PHEX: variants seen among roughly 807,000 people sequenced by gnomAD.
PHEX encodes phosphate-regulating neutral endopeptidase PHEX.
In PHEX, 16 loss-of-function variants were observed where a neutral mutation model predicts 68.0. The observed-to-expected ratio is 0.24, with a 90% CI of 0.16 to 0.36. The LOEUF (loss-of-function observed/expected upper bound fraction) is 0.36. Among genes scored for constraint, PHEX ranks in the 10% least tolerant of loss-of-function variants. The pLI, the probability that PHEX is intolerant of heterozygous loss-of-function variation, is 1.00. For missense variants in PHEX, 480 were observed against 575.5 expected (o/e 0.83, Z 1.70); for synonymous variants, 208 against 205.1 (o/e 1.01, Z -0.12).
chrX:22,238,069 GAGTT>G (rs375884603), intron 20 of PHEX, among the ~76,000 whole-genome samples: 465 of 112,111 alleles, frequency 4.1e-3, no homozygotes, highest in African/African-American at 0.014. Context: ...CTGAGGTGAG[GAGTT>G]AGTTAGTTTG....
intron 14 of PHEX, among the ~76,000 whole-genome samples, chrX:22,187,521 A>C (rs757750065): frequency 2.7e-5 from 3 of 111,871 alleles, no homozygotes; most frequent in Admixed American, 9.5e-5. Context: ...AGCCTACCTG[A>C]ATAATCCAGG....
intron 21 of PHEX, among the ~76,000 whole-genome samples, 189 bp from the exon 22 acceptor site, chrX:22,247,662 G>A (rs972277600): frequency 8.9e-6 from 1 of 112,061 alleles, no homozygotes; most frequent in Non-Finnish European, 1.9e-5. Flanking sequence ...TGGCATTCAG[G>A]AGATGCTGGA....
chrX:22,167,119 CTCTTTAGCG>C (rs1933351870), intron 12 of PHEX, among the ~76,000 whole-genome samples: 1 of 111,991 alleles, frequency 8.9e-6, no homozygotes, highest in Non-Finnish European at 1.9e-5. Context: ...TGGAGGCACT[CTCTTTAGCG>C]TACTGATTTC....
intron 11 of PHEX, among the ~76,000 whole-genome samples, chrX:22,126,638 AGT>A (rs1228842955): frequency 9.0e-6 from 1 of 111,175 alleles, no homozygotes; most frequent in Non-Finnish European, 1.9e-5. Flanking sequence ...ATCTCATTAA[AGT>A]AAAGCCCTGG....
intron 12 of PHEX, among the ~76,000 whole-genome samples, chrX:22,144,644 A>G (rs1052121417): frequency 4.5e-5 from 5 of 110,791 alleles, no homozygotes; most frequent in African/African-American, 1.6e-4. Flanking sequence ...ACCTAACTAT[A>G]ATACCATTAA....
At chrX:22,246,351 CATTAGCAT>C in intron 21 of PHEX, among the ~76,000 whole-genome samples, 1 of 111,681 alleles carries the variant, frequency 9.0e-6, no homozygotes, top group East Asian at 2.8e-4. Flanking sequence ...TAAACAGATC[CATTAGCAT>C]ATTGCAAGAA....
chrX:22,172,580 A>T (rs1933572172), intron 13 of PHEX: 1 of 111,162 alleles, frequency 9.0e-6, no homozygotes, highest in Non-Finnish European at 1.9e-5. Flanking sequence ...CAGAAAAAGA[A>T]AAGGGAGGGA....
intron 15 of PHEX, among the ~76,000 whole-genome samples, chrX:22,210,999 C>T (rs994776372): frequency 9.0e-6 from 1 of 111,137 alleles, no homozygotes; most frequent in Non-Finnish European, 1.9e-5. Context: ...TATGAAAGAG[C>T]TTTCAGTCTC....
Position 22,035,129 on chromosome X carries a change from A to G in PHEX, c.118+2006A>G, listed in dbSNP as rs142518828. On this transcript the variant is annotated intron_variant, in intron 1 of 21. Transcript: ENST00000379374. ...TCTCTGCCTGTCCACATTCACTTAC[A>G]TGCCTGCAATTTCTAGCATCCCTTC... is the stretch of plus-strand genomic sequence containing the variant. 9.1e-3 allele frequency among the ~76,000 whole-genome samples: 1,007 copies of G among 110,857 alleles called. 17 individuals are homozygous for G. Among genetic ancestry groups the G allele is most frequent in the African/African-American group, 0.031 (955 of 30,517 alleles).
At chrX:22,066,104 A>G (rs1047816874) in intron 3 of PHEX, among the ~76,000 whole-genome samples, 1 of 112,220 alleles carries the variant, frequency 8.9e-6, no homozygotes, top group African/African-American at 3.2e-5. Context: ...GCCAGAGCAT[A>G]CAGGCTTTGT....
At chrX:22,049,482 A>G (rs1357969373) in intron 3 of PHEX, among the ~76,000 whole-genome samples, 1 of 111,918 alleles carries the variant, frequency 8.9e-6, no homozygotes, top group Non-Finnish European at 1.9e-5. Context: ...CCTTATCTAA[A>G]TGTATCCTTA....
intron 3 of PHEX, among the ~76,000 whole-genome samples, chrX:22,064,068 C>CT (rs1157031495): frequency 8.9e-6 from 1 of 112,474 alleles, no homozygotes; most frequent in African/African-American, 3.2e-5. Context: ...TTACATGACG[C>CT]TTTTTTATCA....
intron 12 of PHEX, among the ~76,000 whole-genome samples, chrX:22,144,081 T>G: frequency 9.0e-6 from 1 of 111,718 alleles, no homozygotes; most frequent in South Asian, 3.8e-4. Context: ...TGGGCAGTTT[T>G]GGGGGTCTCA....
At chrX:22,135,721 C>A (rs1932199199) in intron 12 of PHEX, among the ~76,000 whole-genome samples, 1 of 111,761 alleles carries the variant, frequency 8.9e-6, no homozygotes. Flanking sequence ...TAATATTAGA[C>A]ATGTTCCTGT....
intron 1 of PHEX, among the ~76,000 whole-genome samples, chrX:22,036,700 T>C (rs1453189417): frequency 9.1e-6 from 1 of 109,371 alleles, no homozygotes; most frequent in Non-Finnish European, 1.9e-5. Context: ...ACACTAATCT[T>C]TATGCTGCCC....
At chrX:22,104,376 G>A (rs1472387119) in intron 9 of PHEX, among the ~76,000 whole-genome samples, 1 of 109,961 alleles carries the variant, frequency 9.1e-6, no homozygotes, top group Admixed American at 9.7e-5. Flanking sequence ...GGGGTAGGTG[G>A]CCAGGGAGGG....
rs1926839789 is a variant in PHEX at position 22,032,338 on chromosome X, C to T, written c.-668C>T. 1 of 110,298 alleles carries T rather than the reference C, an allele frequency of 9.1e-6. No individual in the cohort carries two copies. The highest frequency in any genetic ancestry group is 1.9e-5 in the Non-Finnish European group (1 of 53,125). The allele number at this position is 110,298 out of a possible 1,213,427, so 9.1% of individuals were successfully genotyped here. On this transcript the variant is annotated 5_prime_UTR_variant, in exon 1 of 22. Coordinates refer to ENST00000379374, the MANE Select transcript of PHEX (RefSeq NM_000444.6). ...GTAGGTTGTCTTAATTGCTACTTTGCACTGCACTGGACTATGACTGATTTT... is the reference window on the plus strand; with the variant it reads ...GTAGGTTGTCTTAATTGCTACTTTGTACTGCACTGGACTATGACTGATTTT...
intron 10 of PHEX, among the ~76,000 whole-genome samples, chrX:22,112,767 G>A (rs1489062475): frequency 9.1e-6 from 1 of 110,254 alleles, no homozygotes; most frequent in Non-Finnish European, 1.9e-5. Context: ...GCCGGGCATG[G>A]TGTCACGCAC....
chrX:22,243,960 C>G (rs1437430564), intron 20 of PHEX, among the ~76,000 whole-genome samples: 3 of 112,069 alleles, frequency 2.7e-5, no homozygotes, highest in African/African-American at 9.8e-5. Context: ...TTAAATCACT[C>G]TACTATAAAG....
Sources: gnomAD v4.1 joint callset for allele counts (sites outside exome capture counted in the v4.1 genomes callset) on GRCh38, gnomAD v4.1.1 for gene constraint, MANE v1.5 for transcripts, NCBI Gene and HGNC (gene_info 2026-07-23, HGNC 2026-07-21) for gene names.